SLC4A8: variants seen among roughly 807,000 people sequenced by gnomAD.
The protein encoded by SLC4A8 is solute carrier family 4 member 8.
A neutral mutation model predicts 125.0 loss-of-function variants in SLC4A8; 40 were observed. That is an observed-to-expected ratio of 0.32 (90% CI 0.25 to 0.42). The LOEUF is 0.42. Ranked by LOEUF, SLC4A8 falls within the 10% of genes least tolerant of loss-of-function variation. The pLI, the probability that SLC4A8 is intolerant of heterozygous loss-of-function variation, is 1.00. For synonymous variants in SLC4A8, 456 were observed against 476.0 expected, an observed-to-expected ratio of 0.96 and a Z score of 0.55; for missense variants, 863 against 1,355.1, an observed-to-expected ratio of 0.64 and a Z score of 5.70.
chr12:51,450,412 G>GGCACAAGGTCACAA (rs1413595158), intron 2 of SLC4A8, among the ~76,000 whole-genome samples: 1 of 152,134 alleles, frequency 6.6e-6, no homozygotes, highest in Non-Finnish European at 1.5e-5. Flanking sequence ...AAGGTCACAT[G>GGCACAAGGTCACAA]GCAAGTGAAT....
intron 23 of SLC4A8, 148 bp downstream of exon 23, chr12:51,504,268 C>A (rs748929629): frequency 6.1e-6 from 4 of 659,230 alleles, no homozygotes; most frequent in Non-Finnish European, 8.2e-6. Flanking sequence ...AATACCTTTT[C>A]CATCTCATTG....
At chr12:51,408,778 A>G (rs920384969) in intron 1 of SLC4A8, among the ~76,000 whole-genome samples, 1 of 152,126 alleles carries the variant, frequency 6.6e-6, no homozygotes, top group African/African-American at 2.4e-5. Context: ...CAAGGGAGCC[A>G]TTGCTGGGCC....
intron 5 of SLC4A8, among the ~76,000 whole-genome samples, chr12:51,454,252 G>A (rs1268518266): frequency 6.6e-6 from 1 of 152,196 alleles, no homozygotes; most frequent in Non-Finnish European, 1.5e-5. Flanking sequence ...AGTCAAGATT[G>A]TGCCACTGCA....
At chr12:51,409,210 GT>G (rs1357786530) in intron 1 of SLC4A8, among the ~76,000 whole-genome samples, 1 of 151,940 alleles carries the variant, frequency 6.6e-6, no homozygotes. Context: ...ATAAAATTGA[GT>G]TTTTCCTACC....
chr12:51,470,110 G>C (rs1331535877), intron 12 of SLC4A8, among the ~76,000 whole-genome samples: 2 of 152,160 alleles, frequency 1.3e-5, no homozygotes, highest in African/African-American at 4.8e-5. Context: ...AGTGTGAATG[G>C]TATCACTGTG....
At chr12:51,427,139 C>T (rs1161667289) in intron 1 of SLC4A8, among the ~76,000 whole-genome samples, 4 of 151,868 alleles carry the variant, frequency 2.6e-5, no homozygotes, top group Non-Finnish European at 5.9e-5. Context: ...AGGGTTTCAC[C>T]GTGTTAGCTA....
chr12:51,410,423 G>C (rs1175901896), intron 1 of SLC4A8, among the ~76,000 whole-genome samples: 1 of 151,478 alleles, frequency 6.6e-6, no homozygotes, highest in African/African-American at 2.4e-5. Flanking sequence ...CTTCTGGTTA[G>C]AGTCATCCTG....
chr12:51,511,032 C>T lies in SLC4A8; in HGVS notation c.*3594C>T, dbSNP rs10783453. ...TTTTTGTCTCCAATAGTTGCCTGGA[C>T]GACTTCATGGGTCAGTCCACATGAT... is the stretch of plus-strand genomic sequence containing the variant. On this transcript the variant is annotated 3_prime_UTR_variant, in exon 25 of 25. Transcript: ENST00000453097. 73,389 of 152,030 alleles carry T rather than the reference C, an allele frequency of 0.48. 18,052 individuals are homozygous for T. The highest frequency in any genetic ancestry group is 0.53 in the Non-Finnish European group (35,808 of 67,950). The allele number at this position is 152,030 out of a possible 1,614,324, so 9.4% of individuals were successfully genotyped here. A position where few individuals can be genotyped will look rare whatever the true frequency, so the allele number is the denominator to read the frequency against.
chr12:51,466,943 A>ATGTGTG (rs5798175), intron 11 of SLC4A8, among the ~76,000 whole-genome samples: 2 of 149,290 alleles, frequency 1.3e-5, no homozygotes, highest in African/African-American at 4.9e-5. Flanking sequence ...GCCTCAGAGT[A>ATGTGTG]TGTGTGTGTG....
In SLC4A8 at chr12:51,470,391, G is replaced by A; in HGVS notation, c.1525-1G>A. 6.2e-7 allele frequency: 1 copy of A among 1,613,474 alleles called. No homozygotes were observed. Among genetic ancestry groups the A allele is most frequent in the South Asian group, 1.1e-5 (1 of 90,980 alleles). ...TCAGTGATGACTTTTTTTCCTCTCA[G>A]AGTGCAATTGAATCCTTGTTTGGAG... is the stretch of plus-strand genomic sequence containing the variant. On this transcript the variant is annotated splice_acceptor_variant, in intron 12 of 24. Coordinates refer to ENST00000453097, the MANE Select transcript of SLC4A8 (RefSeq NM_001039960.3). LOFTEE classifies it high-confidence loss of function.
At chr12:51,492,841 G>GC (rs1951352373) in intron 19 of SLC4A8, among the ~76,000 whole-genome samples, 1 of 142,134 alleles carries the variant, frequency 7.0e-6, no homozygotes, top group Non-Finnish European at 1.5e-5. Flanking sequence ...CCCTCCCCTT[G>GC]CCCCCCACCC....
At position 51,508,806 on chromosome 12, in the gene SLC4A8, A is replaced by G. The variant is rs1479852614; in HGVS notation, c.*1368A>G. The G allele has an allele frequency of 6.6e-6, 1 of 152,224 alleles. No homozygotes were observed. The highest frequency in any genetic ancestry group is 1.5e-5 in the Non-Finnish European group (1 of 68,040). 9.4% of individuals were successfully genotyped at this position (152,224 alleles called of 1,614,324 possible). ...AGCCCATTAGCACCCAGATAATTCT[A>G]TCATGTTAGTTTCCCATCCTGGAAA... is the stretch of plus-strand genomic sequence containing the variant. On this transcript the variant is annotated 3_prime_UTR_variant, in exon 25 of 25. Transcript: ENST00000453097.
intron 16 of SLC4A8, among the ~76,000 whole-genome samples, chr12:51,478,596 T>C (rs1565809036): frequency 6.6e-6 from 1 of 152,238 alleles, no homozygotes; most frequent in Non-Finnish European, 1.5e-5. Flanking sequence ...GTAATTTTCC[T>C]ACTGCTCTGC....
chr12:51,478,967 C>T (rs1950939507), intron 16 of SLC4A8, among the ~76,000 whole-genome samples: 2 of 152,088 alleles, frequency 1.3e-5, no homozygotes, highest in South Asian at 2.1e-4. Context: ...TGTGATGACA[C>T]CTGCCATCTC....
chr12:51,493,804 C>T, intron 20 of SLC4A8, 32 bp downstream of exon 20: 1 of 1,387,566 alleles, frequency 7.2e-7, no homozygotes, highest in Non-Finnish European at 1.0e-6. Context: ...GCAGTTTCTT[C>T]TCACTGCAAG....
rs1005251946 is a variant in SLC4A8 at position 51,509,780 on chromosome 12, C to T, written c.*2342C>T. ...CACCTGTGCACTTTAGGGTACTTCT[C>T]GAGCTAGACCCTCCTGGATCACTGC... On this transcript the variant is annotated 3_prime_UTR_variant, in exon 25 of 25. Coordinates refer to ENST00000453097, the MANE Select transcript of SLC4A8 (RefSeq NM_001039960.3). 3 of 152,166 alleles carry T rather than the reference C, an allele frequency of 2.0e-5. No homozygotes were observed. Among genetic ancestry groups the T allele is most frequent in the Non-Finnish European group, 4.4e-5 (3 of 68,048 alleles). 9.4% of individuals were successfully genotyped at this position (152,166 alleles called of 1,614,324 possible). A position where few individuals can be genotyped will look rare whatever the true frequency, so the allele number is the denominator to read the frequency against.
At chr12:51,490,550 G>T (rs1015389323) in intron 19 of SLC4A8, among the ~76,000 whole-genome samples, 1 of 134,502 alleles carries the variant, frequency 7.4e-6, no homozygotes, top group Non-Finnish European at 1.6e-5. Flanking sequence ...GCAACAGAGC[G>T]AGACTCCATC....
At chr12:51,395,374 G>T in intron 1 of SLC4A8, among the ~76,000 whole-genome samples, 1 of 151,792 alleles carries the variant, frequency 6.6e-6, no homozygotes, top group South Asian at 2.1e-4. Flanking sequence ...TTATTTCTTG[G>T]CTGTTTTAGA....
chr12:51,474,714 CAG>C (rs770274136), intron 15 of SLC4A8: 3 of 576,238 alleles, frequency 5.2e-6, no homozygotes, highest in East Asian at 2.8e-5. Context: ...CCATGCAGGA[CAG>C]GGGGCAGATC....
Sources: allele counts gnomAD v4.1 joint callset (sites outside exome capture counted in the v4.1 genomes callset), GRCh38; gene constraint gnomAD v4.1.1; transcripts MANE v1.5; gene names NCBI Gene and HGNC (gene_info 2026-07-23, HGNC 2026-07-21).